NRG3: variants seen among roughly 807,000 people sequenced by gnomAD.
NRG3 encodes the protein neuregulin 3.
A neutral mutation model predicts 66.9 loss-of-function variants in NRG3; 31 were observed. The observed-to-expected ratio is 0.46, with a 90% confidence interval of 0.35 to 0.63. The LOEUF (loss-of-function observed/expected upper bound fraction) is 0.63, where lower values mean the gene tolerates loss of function less well. Among genes scored for constraint, NRG3 ranks in the 20% least tolerant of loss-of-function variants. NRG3 has a pLI of 0.00. For synonymous variants in NRG3, 393 were observed against 359.4 expected (o/e 1.09, Z -1.06); for missense variants, 910 against 878.9 (o/e 1.04, Z -0.45).
chr10:82,755,121 T>A (rs2059025234), intron 3 of NRG3, among the ~76,000 whole-genome samples: 1 of 152,056 alleles, frequency 6.6e-6, no homozygotes, highest in Non-Finnish European at 1.5e-5. Flanking sequence ...TAGTTTGAGT[T>A]TTTTTCCTGT....
chr10:82,778,928 A>T (rs548852403), intron 3 of NRG3, among the ~76,000 whole-genome samples: 92 of 152,162 alleles, frequency 6.0e-4, no homozygotes, highest in Admixed American at 1.4e-3. Flanking sequence ...CTCCTAGGCA[A>T]TGTTTCCCAA....
At chr10:82,426,509 T>C (rs2089450107) in intron 2 of NRG3, among the ~76,000 whole-genome samples, 1 of 150,276 alleles carries the variant, frequency 6.7e-6, no homozygotes, top group Non-Finnish European at 1.5e-5. Context: ...TTTTTTTTTT[T>C]AGCTTCTTTC....
chr10:82,793,549 T>A (rs2060675573), intron 3 of NRG3, among the ~76,000 whole-genome samples: 1 of 152,164 alleles, frequency 6.6e-6, no homozygotes, highest in African/African-American at 2.4e-5. Context: ...GATTTAAAAC[T>A]TAAGCCTTCT....
intron 2 of NRG3, among the ~76,000 whole-genome samples, chr10:82,542,984 C>T (rs904048384): frequency 3.3e-5 from 5 of 151,808 alleles, no homozygotes; most frequent in African/African-American, 9.7e-5. Context: ...CTCCACCTCC[C>T]GGGTTCAAGC....
At chr10:82,299,549 G>GTTTT (rs757766628) in intron 1 of NRG3, among the ~76,000 whole-genome samples, 2 of 147,462 alleles carry the variant, frequency 1.4e-5, no homozygotes, top group Non-Finnish European at 1.5e-5. Flanking sequence ...ATCCAGCCCT[G>GTTTT]TTTTTTTTTT....
At chr10:82,516,830 A>C (rs537364881) in intron 2 of NRG3, among the ~76,000 whole-genome samples, 1 of 152,160 alleles carries the variant, frequency 6.6e-6, no homozygotes, top group Non-Finnish European at 1.5e-5. Context: ...CCAAGAGGCC[A>C]GTGTTACTGG....
Position 81,875,797 on chromosome 10 carries a change from C to T in NRG3, c.457C>T (p.Arg153Trp). Residue 153 changes from arginine (R) to tryptophan (W), a missense_variant, in exon 1 of 9, where the codon CGG becomes TGG. By Grantham distance (101) the Arg-to-Trp change is moderately radical. Coordinates refer to ENST00000372141, the MANE Select transcript of NRG3 (RefSeq NM_001010848.4). The surrounding 1 kb of genome is among the most constrained non-coding windows in gnomAD (Gnocchi z 5.3). ...GGAASSRTPNRISTRLTTITR... is the reference protein window; with the variant it reads ...GGAASSRTPNWISTRLTTITR... ...TGCCGCCTCCTCCAGGACGCCCAAC[C>T]GGATTAGCACTCGCCTGACCACCAT... The T allele has an allele frequency of 1.2e-6, 2 of 1,610,338 alleles. No individual in the cohort carries two copies. Among genetic ancestry groups the T allele is most frequent in the Non-Finnish European group, 1.7e-6 (2 of 1,179,904 alleles).
intron 8 of NRG3, 115 bp from the exon 9 acceptor site, chr10:82,984,983 G>T: frequency 3.0e-6 from 4 of 1,338,856 alleles, no homozygotes; most frequent in Non-Finnish European, 4.2e-6. Context: ...CGTCTCATGG[G>T]GTTGCTGTGA....
At chr10:82,087,975 G>T (rs554580445) in intron 1 of NRG3, among the ~76,000 whole-genome samples, 42 of 152,174 alleles carry the variant, frequency 2.8e-4, no homozygotes, top group Non-Finnish European at 4.3e-4. Flanking sequence ...GGCTGGATCC[G>T]AAACCTCAGA....
intron 2 of NRG3, among the ~76,000 whole-genome samples, chr10:82,710,819 G>A (rs1446226344): frequency 6.6e-6 from 1 of 151,646 alleles, no homozygotes; most frequent in Non-Finnish European, 1.5e-5. Flanking sequence ...GTTTTTACAA[G>A]TTATACATTC....
At chr10:82,534,450 A>G (rs1293050578) in intron 2 of NRG3, among the ~76,000 whole-genome samples, 3 of 152,136 alleles carry the variant, frequency 2.0e-5, no homozygotes, top group Admixed American at 6.5e-5. Flanking sequence ...TTTTTAGTAG[A>G]AGCAGGGTTT....
At position 82,117,974 on chromosome 10, in the gene NRG3, A is replaced by G. The variant is rs536972567; in HGVS notation, c.824-240765A>G. 2.2e-4 allele frequency among the ~76,000 whole-genome samples: 33 copies of G among 152,226 alleles called. 1 individual carries two copies. The South Asian group carries it at 6.4e-3, about 30-fold the overall frequency. On this transcript the variant is annotated intron_variant, in intron 1 of 8. Transcript: ENST00000372141. ...CCTCACTGATAAAAATGGTGGTGTA[A>G]AGACTAAATGGATTATTGTACAGAA...
chr10:82,904,059 T>C (rs1844488383), intron 4 of NRG3, among the ~76,000 whole-genome samples: 1 of 152,102 alleles, frequency 6.6e-6, no homozygotes, highest in Admixed American at 6.6e-5. Flanking sequence ...TTTCAACAAA[T>C]ATGCAGAATA....
intron 2 of NRG3, among the ~76,000 whole-genome samples, chr10:82,485,446 T>C (rs1842607487): frequency 6.7e-6 from 1 of 149,868 alleles, no homozygotes; most frequent in African/African-American, 2.5e-5. Flanking sequence ...ATTTGACTAA[T>C]TTGAGATATT....
intron 3 of NRG3, among the ~76,000 whole-genome samples, chr10:82,811,079 G>A (rs1318284812): frequency 6.6e-6 from 1 of 151,948 alleles, no homozygotes; most frequent in East Asian, 1.9e-4. Flanking sequence ...TTCACTGGGG[G>A]CTCCTTTGAG....
At chr10:82,284,494 A>C (rs1166816120) in intron 1 of NRG3, among the ~76,000 whole-genome samples, 1 of 152,238 alleles carries the variant, frequency 6.6e-6, no homozygotes, top group Admixed American at 6.5e-5. Context: ...TTTATTAACA[A>C]GAAACAGTGT....
intron 1 of NRG3, among the ~76,000 whole-genome samples, chr10:82,229,730 GA>G (rs1345918087): frequency 2.0e-5 from 3 of 152,112 alleles, no homozygotes; most frequent in Non-Finnish European, 4.4e-5. Flanking sequence ...CAACATGGGG[GA>G]AACTGCCCCC....
intron 8 of NRG3, chr10:82,984,843 C>T (rs773792034): frequency 2.6e-6 from 4 of 1,520,584 alleles, no homozygotes; most frequent in Non-Finnish European, 3.6e-6. Context: ...TTGAAAGACC[C>T]CTGGACTTAA....
rs570228351 is a variant in NRG3 at position 82,679,766 on chromosome 10, A to G, written c.954-58811A>G. 6.6e-5 allele frequency among the ~76,000 whole-genome samples: 10 copies of G among 152,306 alleles called. No individual in the cohort carries two copies. The South Asian group carries it at 1.9e-3, about 28-fold the overall frequency. On this transcript the variant is annotated intron_variant, in intron 2 of 8. Coordinates refer to ENST00000372141, the MANE Select transcript of NRG3 (RefSeq NM_001010848.4). Reference sequence around the variant, plus strand: ...CAGACAAAATAATTACGAAGTGGGGAAAAGCTAACTCACACAAGGCTACAG... The same window carrying G: ...CAGACAAAATAATTACGAAGTGGGGGAAAGCTAACTCACACAAGGCTACAG...
Sources: allele counts gnomAD v4.1 joint callset (sites outside exome capture counted in the v4.1 genomes callset), GRCh38; gene constraint gnomAD v4.1.1; non-coding constraint Gnocchi (gnomAD v3.1); transcripts MANE v1.5; gene names NCBI Gene and HGNC (gene_info 2026-07-23, HGNC 2026-07-21).